CD226: variants seen among roughly 807,000 people sequenced by gnomAD.
CD226 encodes CD226 molecule.
CD226 carries 24 observed loss-of-function variants against 34.9 expected under a neutral mutation model. The observed-to-expected ratio is 0.69, with a 90% CI of 0.50 to 0.97. The LOEUF (loss-of-function observed/expected upper bound fraction) is 0.97, where lower values mean the gene tolerates loss of function less well. Among genes scored for constraint, CD226 ranks in the 50% least tolerant of loss-of-function variants. The pLI is 0.00. For synonymous variants in CD226, 148 were observed against 147.4 expected, an observed-to-expected ratio of 1.00 and a Z score of -0.03; for missense variants, 397 against 412.7, an observed-to-expected ratio of 0.96 and a Z score of 0.33.
chr18:69,932,759 C>T (rs1170592841), intron 2 of CD226, among the ~76,000 whole-genome samples: 1 of 152,150 alleles, frequency 6.6e-6, no homozygotes, highest in Non-Finnish European at 1.5e-5. Flanking sequence ...TGACCCCTTC[C>T]CTCACTCCAC....
In CD226 at chr18:69,864,248, A is replaced by G; in HGVS notation, c.*66T>C. ...GGTAGACCTTGGGTAGTGGAAAAAA[A>G]TTGCATAAAGATCCATGCATGAGTA... is the stretch of plus-strand genomic sequence containing the variant. On this transcript the variant is annotated 3_prime_UTR_variant, in exon 6 of 6. Coordinates refer to ENST00000582621, the MANE Select transcript of CD226 (RefSeq NM_001303618.2). 1 of 1,534,814 alleles carries G rather than the reference A, an allele frequency of 6.5e-7. No homozygotes were observed. Among genetic ancestry groups the G allele is most frequent in the African/African-American group, 1.4e-5 (1 of 73,250 alleles).
intron 2 of CD226, among the ~76,000 whole-genome samples, chr18:69,925,087 C>G (rs1213035875): frequency 4.6e-5 from 7 of 152,140 alleles, no homozygotes. Context: ...AACAAAAATC[C>G]TCCACTCAGC....
At chr18:69,951,759 G>T (rs1423350495), upstream of CD226, among the ~76,000 whole-genome samples, 1 of 152,196 alleles carries the variant, frequency 6.6e-6, no homozygotes, top group South Asian at 2.1e-4. Flanking sequence ...CAAGGAAATT[G>T]AAATGATGAT....
intron 2 of CD226, among the ~76,000 whole-genome samples, chr18:69,932,660 C>T (rs1019739379): frequency 1.3e-5 from 2 of 152,218 alleles, no homozygotes; most frequent in African/African-American, 4.8e-5. Context: ...GGAATGCCAT[C>T]CAGCTAACAG....
chr18:69,947,450 T>A lies in CD226; in HGVS notation c.-44A>T, dbSNP rs372039549. On this transcript the variant is annotated 5_prime_UTR_variant, in exon 1 of 6. Coordinates refer to ENST00000582621, the MANE Select transcript of CD226 (RefSeq NM_001303618.2). ...AGGCTGGTTCTATTAAAAAAAAAAA[T>A]TGCTTTTTATAATGTGACATGCAGA... 1.2e-4 allele frequency: 104 copies of A among 875,906 alleles called. No homozygotes were observed. Among genetic ancestry groups the A allele is most frequent in the Non-Finnish European group, 1.6e-4 (92 of 563,956 alleles). 54.3% of individuals were successfully genotyped at this position (875,906 alleles called of 1,614,324 possible). A position where few individuals can be genotyped will look rare whatever the true frequency, so the allele number is the denominator to read the frequency against.
chr18:69,861,635 A>C lies in CD226; in HGVS notation c.*2679T>G, dbSNP rs1568150469. ...ACTTGTAAAAAGTATCTGTATTTAAAATAGAATTTACTGGAATTCTGATCG... is the reference window on the plus strand; with the variant it reads ...ACTTGTAAAAAGTATCTGTATTTAACATAGAATTTACTGGAATTCTGATCG... On this transcript the variant is annotated 3_prime_UTR_variant, in exon 6 of 6. Transcript: ENST00000582621. The C allele has an allele frequency of 6.7e-6, 1 of 150,114 alleles. No homozygotes were observed. The allele number at this position is 150,114 out of a possible 1,614,324, so 9.3% of individuals were successfully genotyped here.
At position 69,862,312 on chromosome 18, in the gene CD226, T is replaced by C. The variant is rs1317490530; in HGVS notation, c.*2002A>G. The C allele has an allele frequency of 6.6e-6, 1 of 152,188 alleles. No individual in the cohort carries two copies. Among genetic ancestry groups the C allele is most frequent in the Non-Finnish European group, 1.5e-5 (1 of 67,992 alleles). 9.4% of individuals were successfully genotyped at this position (152,188 alleles called of 1,614,324 possible). A position where few individuals can be genotyped will look rare whatever the true frequency, so the allele number is the denominator to read the frequency against. Reference sequence around the variant, plus strand: ...ATTGGAGTTTTCCAGAAAGTAATATTTTGATTGTCTTTACCATTCAGAAAA... The same window carrying C: ...ATTGGAGTTTTCCAGAAAGTAATATCTTGATTGTCTTTACCATTCAGAAAA... On this transcript the variant is annotated 3_prime_UTR_variant, in exon 6 of 6. Transcript: ENST00000582621.
At chr18:69,903,267 G>C (rs1174108080) in intron 2 of CD226, among the ~76,000 whole-genome samples, 1 of 152,182 alleles carries the variant, frequency 6.6e-6, no homozygotes, top group Non-Finnish European at 1.5e-5. Context: ...ACTGAACTGA[G>C]CTGTCAGGCA....
intron 2 of CD226, among the ~76,000 whole-genome samples, chr18:69,899,024 A>G (rs1985459900): frequency 6.6e-6 from 1 of 152,252 alleles, no homozygotes; most frequent in African/African-American, 2.4e-5. Flanking sequence ...TAATACTTAG[A>G]ATAAACATTG....
At position 69,946,717 on chromosome 18, in the gene CD226, A is replaced by T; in HGVS notation, c.382+17T>A. ...TGGATAAAAAGGGATTTAAAAAAAA[A>T]AAAAACTTGCCCTTACCTGACTGAA... On this transcript the variant is annotated intron_variant, in intron 2 of 5. Transcript: ENST00000582621. The T allele has an allele frequency of 1.3e-6, 2 of 1,550,088 alleles. No individual in the cohort carries two copies. The highest frequency in any genetic ancestry group is 2.4e-5 in the South Asian group (2 of 82,734).
intron 2 of CD226, among the ~76,000 whole-genome samples, chr18:69,944,916 A>G (rs1481362576): frequency 1.3e-5 from 2 of 152,226 alleles, no homozygotes; most frequent in Admixed American, 6.5e-5. Flanking sequence ...ATTAGTCTTC[A>G]CCCTAGCTAC....
intron 2 of CD226, among the ~76,000 whole-genome samples, chr18:69,928,171 C>G (rs2055546252): frequency 6.6e-6 from 1 of 152,214 alleles, no homozygotes; most frequent in Non-Finnish European, 1.5e-5. Context: ...ATACTTTTCA[C>G]TTACTCGAAA....
Position 69,854,513 on chromosome 18 carries a change from G to C in CD226, c.*9801C>G, listed in dbSNP as rs1239077293. On this transcript the variant is annotated 3_prime_UTR_variant, in exon 6 of 6. Coordinates refer to ENST00000582621, the MANE Select transcript of CD226 (RefSeq NM_001303618.2). ...CGTGGCTCTGGCAACAGATAGAGAG[G>C]GACATCCATTGAGAAATAAGCCATG... is the stretch of plus-strand genomic sequence containing the variant. 1.3e-5 allele frequency: 2 copies of C among 152,234 alleles called. No homozygotes were observed. The highest frequency in any genetic ancestry group is 2.9e-5 in the Non-Finnish European group (2 of 68,078). The allele number at this position is 152,234 out of a possible 1,614,324, so 9.4% of individuals were successfully genotyped here. A position where few individuals can be genotyped will look rare whatever the true frequency, so the allele number is the denominator to read the frequency against.
At chr18:69,935,793 T>C (rs1205498869) in intron 2 of CD226, among the ~76,000 whole-genome samples, 1 of 152,194 alleles carries the variant, frequency 6.6e-6, no homozygotes. Flanking sequence ...CCATTCTCTA[T>C]CAATTCAGCC....
chr18:69,879,909 TGAA>T (rs1984112002), intron 3 of CD226, among the ~76,000 whole-genome samples: 1 of 152,188 alleles, frequency 6.6e-6, no homozygotes. Context: ...ACGGAGCCAC[TGAA>T]GAAGAACCAA....
At chr18:69,870,229 C>T (rs1164860739) in intron 4 of CD226, among the ~76,000 whole-genome samples, 2 of 151,690 alleles carry the variant, frequency 1.3e-5, no homozygotes, top group East Asian at 3.9e-4. Flanking sequence ...TAAATTTCTT[C>T]CTACACTCAG....
At chr18:69,918,457 C>G (rs1265516835) in intron 2 of CD226, among the ~76,000 whole-genome samples, 1 of 152,146 alleles carries the variant, frequency 6.6e-6, no homozygotes, top group Non-Finnish European at 1.5e-5. Context: ...ACTTGGGAGG[C>G]TGAGGCAGAA....
Position 69,873,233 on chromosome 18 carries a change from G to T in CD226, c.741C>A (p.Asn247Lys). The T allele has an allele frequency of 6.3e-7, 1 of 1,598,362 alleles. No individual in the cohort carries two copies. Among genetic ancestry groups the T allele is most frequent in the East Asian group, 2.2e-5 (1 of 44,716 alleles). ...RLTVAEGKTD[N>K]QYTLFVAGGT... ...CTCCAGCCACAAAGAGGGTATATTG[G>T]TTATCGGTTTTACCTAGGAGAGAAA... Residue 247 changes from asparagine to lysine, a missense_variant, in exon 4 of 6, where the codon AAC becomes AAA. Physicochemically the swap from Asn to Lys is moderately conservative, Grantham distance 94. Coordinates refer to ENST00000582621, the MANE Select transcript of CD226 (RefSeq NM_001303618.2).
chr18:69,922,730 G>A (rs1255284768), intron 2 of CD226, among the ~76,000 whole-genome samples: 4 of 152,314 alleles, frequency 2.6e-5, no homozygotes, highest in Non-Finnish European at 4.4e-5. Context: ...TGCTGAAAAC[G>A]AACCCCTGGG....
Sources: gnomAD v4.1 joint callset for allele counts (sites outside exome capture counted in the v4.1 genomes callset) on GRCh38, gnomAD v4.1.1 for gene constraint, MANE v1.5 for transcripts, NCBI Gene and HGNC (gene_info 2026-07-23, HGNC 2026-07-21) for gene names.